Variants in DOCK11 observed in about 807,000 individuals in gnomAD.
DOCK11 encodes the protein dedicator of cytokinesis protein 11.
A neutral mutation model predicts 169.1 loss-of-function variants in DOCK11; 70 were observed. The observed-to-expected ratio is 0.41, with a 90% CI of 0.34 to 0.51. The LOEUF is 0.51. DOCK11 is among the 20% of genes least tolerant of loss of function. The pLI is 0.10. For missense variants in DOCK11, 1,166 were observed against 1,538.8 expected (o/e 0.76, Z 4.05); for synonymous variants, 529 against 541.3 (o/e 0.98, Z 0.32).
chrX:118,534,997 G>A (rs6646230), intron 1 of DOCK11, among the ~76,000 whole-genome samples: 53,071 of 110,608 alleles, frequency 0.48, 9,539 homozygotes, highest in African/African-American at 0.63. Context: ...AACAGCTTAG[G>A]AATGCAAAGA....
rs771805303 is a variant in DOCK11 at position 118,608,136 on chromosome X, A to G, written c.2746A>G (p.Ile916Val). 5 of 1,204,107 alleles carry G rather than the reference A, an allele frequency of 4.2e-6. No homozygotes were observed. In the South Asian group the frequency reaches 5.4e-5, roughly 13 times the overall value. The change falls in exon 25 of 53, where the codon ATA becomes GTA. Residue 916 changes from isoleucine (I) to valine (V), a missense_variant. By Grantham distance (29) the Ile-to-Val change is conservative. Transcript: ENST00000276202. Reference sequence around the variant, plus strand: ...CTTGGATAGTTATCTAAGATCATTCATAAAGGTTTGTGGAGTAAAGTTTCT... The same window carrying G: ...CTTGGATAGTTATCTAAGATCATTCGTAAAGGTTTGTGGAGTAAAGTTTCT... ...EGLDSYLRSFIKYSFRPEKPS... is the reference protein window; with the variant it reads ...EGLDSYLRSFVKYSFRPEKPS...
intron 36 of DOCK11, among the ~76,000 whole-genome samples, chrX:118,636,630 A>G (rs749750484): frequency 8.9e-6 from 1 of 112,556 alleles, no homozygotes; most frequent in Non-Finnish European, 1.9e-5. Flanking sequence ...CTAGCTAATA[A>G]TAAACCATCT....
At chrX:118,601,421 C>CA (rs199813534) in intron 23 of DOCK11, among the ~76,000 whole-genome samples, 2,464 of 53,818 alleles carry the variant, frequency 0.046, 51 homozygotes, top group South Asian at 0.11. Flanking sequence ...GACCCTGTCT[C>CA]AAAAAAAAAA....
At chrX:118,655,760 C>CG (rs1450289359) in intron 44 of DOCK11, among the ~76,000 whole-genome samples, 4 of 112,235 alleles carry the variant, frequency 3.6e-5, no homozygotes, top group Non-Finnish European at 7.5e-5. Flanking sequence ...CAAGAAATCT[C>CG]TATCTCAATG....
At chrX:118,578,897 C>T (rs536709721) in intron 13 of DOCK11, among the ~76,000 whole-genome samples, 1 of 111,964 alleles carries the variant, frequency 8.9e-6, no homozygotes, top group South Asian at 3.7e-4. Flanking sequence ...CTAATTGACA[C>T]CATATCCTTG....
intron 28 of DOCK11, among the ~76,000 whole-genome samples, chrX:118,612,541 G>A (rs1348022883): frequency 9.0e-6 from 1 of 111,673 alleles, no homozygotes; most frequent in East Asian, 2.8e-4. Context: ...AGATGTGAGA[G>A]GCCGTGTTAG....
intron 35 of DOCK11, among the ~76,000 whole-genome samples, chrX:118,631,996 C>A (rs1408104307): frequency 1.8e-5 from 2 of 111,468 alleles, no homozygotes; most frequent in African/African-American, 6.5e-5. Flanking sequence ...ACTCTGTCGC[C>A]TAGGCTGGAG....
intron 1 of DOCK11, among the ~76,000 whole-genome samples, chrX:118,540,419 G>T (rs1221517437): frequency 3.6e-5 from 4 of 111,250 alleles, no homozygotes; most frequent in Non-Finnish European, 5.7e-5. Context: ...TGGCCGAAAG[G>T]GGTCAGATTT....
intron 20 of DOCK11, among the ~76,000 whole-genome samples, chrX:118,595,298 C>T (rs1259164893): frequency 9.0e-6 from 1 of 111,332 alleles, no homozygotes; most frequent in Non-Finnish European, 1.9e-5. Context: ...AAGTGATTGG[C>T]TATTAGAGAG....
chrX:118,540,948 C>T (rs1345634202), intron 1 of DOCK11, among the ~76,000 whole-genome samples: 1 of 111,390 alleles, frequency 9.0e-6, no homozygotes, highest in Non-Finnish European at 1.9e-5. Context: ...ACTGTCTGCC[C>T]ACCTTGGTTT....
chrX:118,621,277 G>A lies in DOCK11; in HGVS notation c.3471+2549G>A, dbSNP rs955445151. Among the ~76,000 whole-genome samples the A allele has an allele frequency of 6.3e-5, 7 of 111,962 alleles. No homozygotes were observed. The Admixed American group carries it at 6.7e-4, about 11-fold the overall frequency. ...ACCAAAGTTTCAATTCTAGAGTATT[G>A]GATGAGGATATAAAAGGTCCTTTGT... On this transcript the variant is annotated intron_variant, in intron 31 of 52. Transcript: ENST00000276202.
At chrX:118,566,436 C>T (rs2013082052) in intron 8 of DOCK11, 138 bp from the exon 9 acceptor site, 1 of 638,309 alleles carries the variant, frequency 1.6e-6, no homozygotes, top group Non-Finnish European at 2.3e-6. Flanking sequence ...TAAAGTTTTC[C>T]CTATGCTTTC....
Position 118,495,891 on chromosome X carries a change from CGGCCGCCGCG to C in DOCK11, c.-75_-66del. On this transcript the variant is annotated 5_prime_UTR_variant, in exon 1 of 53. It removes the in-frame stop codon of an upstream open reading frame in the 5' UTR. Coordinates refer to ENST00000276202, the MANE Select transcript of DOCK11 (RefSeq NM_144658.4). ...TAAACAGAGGGAGCAGCAGCGGCCGCGGCCGCCGCGGGCCGGGGCAGTGAGTCCACCCGCC... is the reference window on the plus strand; with the variant it reads ...TAAACAGAGGGAGCAGCAGCGGCCGCGGCCGGGGCAGTGAGTCCACCCGCC... 2 of 565,551 alleles carry C rather than the reference CGGCCGCCGCG, an allele frequency of 3.5e-6. No homozygotes were observed. The highest frequency in any genetic ancestry group is 2.3e-6 in the Non-Finnish European group (1 of 442,058). The allele number at this position is 565,551 out of a possible 1,213,427, so 46.6% of individuals were successfully genotyped here. A position where few individuals can be genotyped will look rare whatever the true frequency, so the allele number is the denominator to read the frequency against.
chrX:118,600,067 T>C (rs2014286156), intron 23 of DOCK11, among the ~76,000 whole-genome samples: 1 of 111,507 alleles, frequency 9.0e-6, no homozygotes, highest in Non-Finnish European at 1.9e-5. Context: ...ATCTGTCATG[T>C]GAGGATAACA....
chrX:118,605,455 G>A, intron 24 of DOCK11, 99 bp downstream of exon 24: 1 of 537,719 alleles, frequency 1.9e-6, no homozygotes, highest in Non-Finnish European at 3.0e-6. Context: ...TCTTAGAACT[G>A]CTGTTGCATT....
At chrX:118,661,701 C>T (rs1176685165) in intron 44 of DOCK11, among the ~76,000 whole-genome samples, 2 of 111,879 alleles carry the variant, frequency 1.8e-5, no homozygotes, top group Non-Finnish European at 3.8e-5. Flanking sequence ...TCTAAAATTA[C>T]AGCCCACTTA....
intron 29 of DOCK11, 72 bp downstream of exon 29, chrX:118,614,847 T>C: frequency 1.4e-6 from 1 of 734,944 alleles, no homozygotes; most frequent in Non-Finnish European, 2.0e-6. Context: ...ATTTATTCTC[T>C]TCTAGGGGAT....
intron 1 of DOCK11, among the ~76,000 whole-genome samples, chrX:118,505,166 G>A (rs1463125711): frequency 8.9e-6 from 1 of 111,803 alleles, no homozygotes; most frequent in Non-Finnish European, 1.9e-5. Flanking sequence ...TGGGACTACA[G>A]GTGTGCACCA....
chrX:118,596,591 A>G (rs1276861488), intron 20 of DOCK11, among the ~76,000 whole-genome samples: 1 of 112,079 alleles, frequency 8.9e-6, no homozygotes, highest in Non-Finnish European at 1.9e-5. Flanking sequence ...TTTACAGCTG[A>G]GTTATAAACA....
Sources: allele counts gnomAD v4.1 joint callset (sites outside exome capture counted in the v4.1 genomes callset), GRCh38; gene constraint gnomAD v4.1.1; transcripts MANE v1.5; gene names NCBI Gene and HGNC (gene_info 2026-07-23, HGNC 2026-07-21).